The following CENPP variants were observed in gnomAD, a reference collection of about 807,000 sequenced individuals.
The protein encoded by CENPP is centromere protein P.
CENPP carries 24 observed loss-of-function variants against 35.6 expected under a neutral mutation model. The ratio of observed to expected loss-of-function variants is 0.67; its 90% CI spans 0.49 to 0.95. The LOEUF (loss-of-function observed/expected upper bound fraction) is 0.95, where lower values mean the gene tolerates loss of function less well. Among genes scored for constraint, CENPP ranks in the 40% least tolerant of loss-of-function variants. The pLI is 0.00. For missense variants in CENPP, 332 were observed against 345.3 expected, an observed-to-expected ratio of 0.96 and a Z score of 0.31; for synonymous variants, 120 against 125.5, an observed-to-expected ratio of 0.96 and a Z score of 0.29.
chr9:92,450,954 T>C, intron 5 of CENPP, among the ~76,000 whole-genome samples: 1 of 152,184 alleles, frequency 6.6e-6, no homozygotes, highest in Non-Finnish European at 1.5e-5. Flanking sequence ...TTTGTTTTTT[T>C]CTTGTAAATT....
At chr9:92,356,854 C>A (rs1015928645) in intron 4 of CENPP, among the ~76,000 whole-genome samples, 1 of 152,156 alleles carries the variant, frequency 6.6e-6, no homozygotes, top group Non-Finnish European at 1.5e-5. Flanking sequence ...AATTTATGTT[C>A]CTCTGCCGCA....
chr9:92,588,580 T>C (rs1850596794), intron 5 of CENPP, among the ~76,000 whole-genome samples: 1 of 152,164 alleles, frequency 6.6e-6, no homozygotes, highest in South Asian at 2.1e-4. Flanking sequence ...GGTTTTTCTC[T>C]GTTGTAACAT....
chr9:92,417,263 T>C, intron 5 of CENPP: 1 of 1,614,104 alleles, frequency 6.2e-7, no homozygotes, highest in Middle Eastern at 1.7e-4. Context: ...TTCATTGAAC[T>C]GAAGGTAGAG....
intron 5 of CENPP, among the ~76,000 whole-genome samples, chr9:92,477,131 G>A (rs1339151664): frequency 6.6e-6 from 1 of 152,174 alleles, no homozygotes; most frequent in Non-Finnish European, 1.5e-5. Flanking sequence ...CACCAACTGT[G>A]GCTGACTACT....
At chr9:92,398,707 T>C (rs1017004797) in intron 5 of CENPP, among the ~76,000 whole-genome samples, 3 of 152,248 alleles carry the variant, frequency 2.0e-5, no homozygotes, top group Admixed American at 6.5e-5. Context: ...TTCTGATATT[T>C]TGCAATTGCA....
intron 5 of CENPP, among the ~76,000 whole-genome samples, chr9:92,579,527 A>G (rs936946980): frequency 1.3e-3 from 191 of 152,184 alleles, no homozygotes; most frequent in African/African-American, 4.3e-3. Flanking sequence ...ATCCCTTGTA[A>G]GTTGGATTCC....
chr9:92,614,625 A>AAAT lies in CENPP; in HGVS notation c.*1478_*1480dup, dbSNP rs1270366546. 2 of 152,662 alleles carry AAAT rather than the reference A, an allele frequency of 1.3e-5. No individual in the cohort carries two copies. The highest frequency in any genetic ancestry group is 4.8e-5 in the African/African-American group (2 of 41,450). 9.5% of individuals were successfully genotyped at this position (152,662 alleles called of 1,614,324 possible). A position where few individuals can be genotyped will look rare whatever the true frequency, so the allele number is the denominator to read the frequency against. On this transcript the variant is annotated 3_prime_UTR_variant, in exon 8 of 8. Transcript: ENST00000375587. Reference sequence around the variant, plus strand: ...TTCCCACAAAAATTTACAATCAGCAAAATAGTTTCCTTATTTCTCATGTAT... The same window carrying AAAT: ...TTCCCACAAAAATTTACAATCAGCAAAATAATAGTTTCCTTATTTCTCATGTAT...
At position 92,460,135 on chromosome 9, in the gene CENPP, T is replaced by C. The variant is rs540660576; in HGVS notation, c.564+80276T>C. Among the ~76,000 whole-genome samples, 3 of 151,052 alleles carry C rather than the reference T, an allele frequency of 2.0e-5. No individual in the cohort carries two copies. The South Asian group carries it at 6.3e-4, about 32-fold the overall frequency. On this transcript the variant is annotated intron_variant, in intron 5 of 7. Coordinates refer to ENST00000375587, the MANE Select transcript of CENPP (RefSeq NM_001012267.3). ...AGGCTGGAGTGCAGTGGCACAGTCT[T>C]GGCTCACTGCAACCTCAGCCTCCCG...
At chr9:92,562,997 A>C (rs183553444) in intron 5 of CENPP, among the ~76,000 whole-genome samples, 71 of 152,308 alleles carry the variant, frequency 4.7e-4, no homozygotes, top group African/African-American at 1.7e-3. Flanking sequence ...GGGGGATGAA[A>C]AATTAATATT....
At chr9:92,349,116 T>G (rs770186348) in intron 4 of CENPP, among the ~76,000 whole-genome samples, 16 of 152,192 alleles carry the variant, frequency 1.1e-4, no homozygotes, top group Non-Finnish European at 2.2e-4. Flanking sequence ...TGTCCCAGCA[T>G]TTGGATGCTC....
In CENPP at chr9:92,358,952, C is replaced by CTT. The variant is rs547707825; in HGVS notation, c.467+13178_467+13179dup. Among the ~76,000 whole-genome samples, 363 of 122,362 alleles carry CTT rather than the reference C, an allele frequency of 3.0e-3. 2 individuals carry two copies. Among genetic ancestry groups the CTT allele is most frequent in the East Asian group, 0.01 (44 of 4,318 alleles). The allele number at this position is 122,362 out of a possible 152,430, so 80.3% of individuals were successfully genotyped here. A position where few individuals can be genotyped will look rare whatever the true frequency, so the allele number is the denominator to read the frequency against. ...TGTATCTCTTTTTTTTTCTTTCTTT[C>CTT]TTTTTTTTTTTTTTGAGATGGAGTT... is the stretch of plus-strand genomic sequence containing the variant. On this transcript the variant is annotated intron_variant, in intron 4 of 7. Transcript: ENST00000375587.
chr9:92,412,260 A>AT (rs1843466188), intron 5 of CENPP, among the ~76,000 whole-genome samples: 1 of 151,464 alleles, frequency 6.6e-6, no homozygotes, highest in South Asian at 2.1e-4. Context: ...CTAATTTTTA[A>AT]TTTTTTTGTA....
At chr9:92,385,747 G>A in intron 5 of CENPP, 1 of 1,614,110 alleles carries the variant, frequency 6.2e-7, no homozygotes, top group Non-Finnish European at 8.5e-7. Context: ...GGTGTCATTA[G>A]CCTTGCAGAA....
intron 4 of CENPP, among the ~76,000 whole-genome samples, chr9:92,365,786 TTTC>T (rs139973859): frequency 0.018 from 2,687 of 151,728 alleles, 88 homozygotes; most frequent in African/African-American, 0.061. Context: ...ATTTCATTTC[TTTC>T]TTTTTTTTTT....
In CENPP at chr9:92,325,990, C is replaced by T. The variant is rs374647304; in HGVS notation, c.-9C>T. 59 of 1,548,186 alleles carry T rather than the reference C, an allele frequency of 3.8e-5. No individual in the cohort carries two copies. The African/African-American group carries it at 5.4e-4, about 14-fold the overall frequency. On this transcript the variant is annotated 5_prime_UTR_variant, in exon 1 of 8. Coordinates refer to ENST00000375587, the MANE Select transcript of CENPP (RefSeq NM_001012267.3). ...GCGCTGCCGGCCCGGCTGCGGTCAG[C>T]AACGCGCCATGGACGCAGAGCTGGC...
chr9:92,569,893 G>A lies in CENPP; in HGVS notation c.565-41421G>A, dbSNP rs186051459. Among the ~76,000 whole-genome samples the A allele has an allele frequency of 1.7e-3, 259 of 152,262 alleles. 1 individual carries two copies. The highest frequency in any genetic ancestry group is 5.9e-3 in the African/African-American group (244 of 41,524). On this transcript the variant is annotated intron_variant, in intron 5 of 7. Transcript: ENST00000375587. ...TTGGCTCTCTGTTTGTCTGTTATTGGTGTATAGGAAGGCCTGTGATTTTTG... is the reference window on the plus strand; with the variant it reads ...TTGGCTCTCTGTTTGTCTGTTATTGATGTATAGGAAGGCCTGTGATTTTTG...
At chr9:92,457,187 T>C (rs893863130) in intron 5 of CENPP, 2 of 1,456,996 alleles carry the variant, frequency 1.4e-6, no homozygotes, top group Non-Finnish European at 1.8e-6. Flanking sequence ...AATAGATATT[T>C]GCTTGTATAT....
At chr9:92,606,109 A>G (rs1851072887) in intron 5 of CENPP, among the ~76,000 whole-genome samples, 2 of 152,136 alleles carry the variant, frequency 1.3e-5, no homozygotes, top group Non-Finnish European at 2.9e-5. Flanking sequence ...AAAAAATACA[A>G]AAATTAGCCA....
At chr9:92,387,823 T>A (rs113503267) in intron 5 of CENPP, among the ~76,000 whole-genome samples, 2 of 151,730 alleles carry the variant, frequency 1.3e-5, no homozygotes, top group Non-Finnish European at 2.9e-5. Flanking sequence ...TAGTGCAGTG[T>A]CATGATCTGA....
Sources: allele counts gnomAD v4.1 joint callset (sites outside exome capture counted in the v4.1 genomes callset), GRCh38; gene constraint gnomAD v4.1.1; transcripts MANE v1.5; gene names NCBI Gene and HGNC (gene_info 2026-07-23, HGNC 2026-07-21).